NLGN4X: variants seen among roughly 807,000 people sequenced by gnomAD.
NLGN4X encodes the protein neuroligin 4 X-linked.
NLGN4X carries 3 observed loss-of-function variants against 40.3 expected under a neutral mutation model. The ratio of observed to expected loss-of-function variants is 0.07; its 90% CI spans 0.03 to 0.19. The LOEUF (loss-of-function observed/expected upper bound fraction) is 0.19. Ranked by LOEUF, NLGN4X falls within the 10% of genes least tolerant of loss-of-function variation. The pLI is 1.00. For synonymous variants in NLGN4X, 270 were observed against 306.8 expected (o/e 0.88, Z 1.25); for missense variants, 382 against 708.3 (o/e 0.54, Z 5.23).
intron 2 of NLGN4X, among the ~76,000 whole-genome samples, chrX:6,047,035 A>C (rs931981303): frequency 1.8e-5 from 2 of 109,588 alleles, no homozygotes; most frequent in African/African-American, 3.3e-5. Flanking sequence ...TAGGATATAT[A>C]CACATATATG....
intron 3 of NLGN4X, among the ~76,000 whole-genome samples, chrX:6,025,046 C>T: frequency 8.9e-6 from 1 of 111,756 alleles, no homozygotes; most frequent in Non-Finnish European, 1.9e-5. Context: ...GTAACATATA[C>T]ACCTTCCTAG....
intron 1 of NLGN4X, among the ~76,000 whole-genome samples, chrX:6,219,424 T>TCCTC (rs111544588): frequency 1.1e-5 from 1 of 95,119 alleles, no homozygotes; most frequent in African/African-American, 3.9e-5. Context: ...CCTCTCTCCT[T>TCCTC]CCTTTTTCTC....
intron 5 of NLGN4X, among the ~76,000 whole-genome samples, chrX:5,898,470 CCTAGA>C (rs1359305098): frequency 9.0e-6 from 1 of 110,728 alleles, no homozygotes; most frequent in African/African-American, 3.3e-5. Context: ...TGCCTTCAAA[CCTAGA>C]CTAAAGGTCA....
intron 2 of NLGN4X, among the ~76,000 whole-genome samples, chrX:6,121,336 G>A (rs1469808712): frequency 1.8e-5 from 2 of 111,644 alleles, no homozygotes; most frequent in African/African-American, 6.5e-5. Context: ...AAGCGTTCTA[G>A]GTTCAACTCA....
At chrX:6,221,297 C>T (rs2147905352) in intron 1 of NLGN4X, among the ~76,000 whole-genome samples, 1 of 101,089 alleles carries the variant, frequency 9.9e-6, no homozygotes, top group South Asian at 4.7e-4. Context: ...CTCTATTACC[C>T]AGGCCAGATG....
chrX:6,180,223 C>T, intron 1 of NLGN4X, among the ~76,000 whole-genome samples: 1 of 111,444 alleles, frequency 9.0e-6, no homozygotes. Flanking sequence ...AAAATGTGTC[C>T]CTATCCAAAT....
intron 1 of NLGN4X, among the ~76,000 whole-genome samples, chrX:6,188,624 CA>C (rs1417553381): frequency 9.0e-6 from 1 of 110,864 alleles, no homozygotes; most frequent in Non-Finnish European, 1.9e-5. Flanking sequence ...TTTGAAACCA[CA>C]AAATGTTTAA....
chrX:6,114,251 G>C (rs965755037), intron 2 of NLGN4X, among the ~76,000 whole-genome samples: 1 of 111,836 alleles, frequency 8.9e-6, no homozygotes, highest in African/African-American at 3.2e-5. Flanking sequence ...AAAAGCATGT[G>C]TGAAGGAAAA....
At chrX:6,203,983 T>C (rs112501905) in intron 1 of NLGN4X, among the ~76,000 whole-genome samples, 1,836 of 112,269 alleles carry the variant, frequency 0.016, 35 homozygotes, top group African/African-American at 0.054. Context: ...CCTTGTAGTA[T>C]AGGTACTTTC....
chrX:6,093,311 T>C (rs769068559), intron 2 of NLGN4X, among the ~76,000 whole-genome samples: 4 of 112,119 alleles, frequency 3.6e-5, no homozygotes, highest in Non-Finnish European at 7.5e-5. Flanking sequence ...ATAACAAATA[T>C]TCATGATACA....
At chrX:6,032,781 G>A in intron 2 of NLGN4X, 2 of 977,419 alleles carry the variant, frequency 2.0e-6, no homozygotes, top group Non-Finnish European at 2.8e-6. Context: ...AAAATAAAGG[G>A]AAAAAAGAGA....
intron 1 of NLGN4X, among the ~76,000 whole-genome samples, chrX:6,221,391 TTATATATA>T (rs60897428): frequency 0.12 from 6,176 of 53,237 alleles, 336 homozygotes; most frequent in Middle Eastern, 0.26. Context: ...CCTTCTTATA[TTATATATA>T]TATATATATA....
At chrX:6,097,701 C>T (rs2038813415) in intron 2 of NLGN4X, among the ~76,000 whole-genome samples, 2 of 111,822 alleles carry the variant, frequency 1.8e-5, no homozygotes, top group Admixed American at 1.9e-4. Flanking sequence ...CACAAATGGA[C>T]TCTCACCTAT....
intron 3 of NLGN4X, among the ~76,000 whole-genome samples, chrX:5,961,380 T>C (rs1267036603): frequency 8.9e-6 from 1 of 112,436 alleles, no homozygotes; most frequent in Non-Finnish European, 1.9e-5. Flanking sequence ...AGTTCTTATT[T>C]AAGTAAATTA....
chrX:6,019,576 C>T (rs1384262946), intron 3 of NLGN4X, among the ~76,000 whole-genome samples: 2 of 111,696 alleles, frequency 1.8e-5, no homozygotes, highest in East Asian at 5.6e-4. Context: ...TTCCAATGTA[C>T]TTGAATTTGG....
At chrX:5,922,197 T>C (rs376612943) in intron 3 of NLGN4X, among the ~76,000 whole-genome samples, 1 of 111,502 alleles carries the variant, frequency 9.0e-6, no homozygotes, top group East Asian at 2.8e-4. Context: ...CTTTGTTCCT[T>C]TTGCTTTGTG....
At chrX:6,147,085 C>T (rs2040065011) in intron 2 of NLGN4X, among the ~76,000 whole-genome samples, 2 of 112,197 alleles carry the variant, frequency 1.8e-5, no homozygotes, top group Admixed American at 1.9e-4. Flanking sequence ...AGCCACTGTG[C>T]CTGGGCGATA....
chrX:6,210,939 T>C (rs1486956611), intron 1 of NLGN4X, among the ~76,000 whole-genome samples: 1 of 112,305 alleles, frequency 8.9e-6, no homozygotes, highest in Non-Finnish European at 1.9e-5. Context: ...TGCAGCTGTG[T>C]AAAATAAAAT....
intron 1 of NLGN4X, among the ~76,000 whole-genome samples, chrX:6,202,460 C>G (rs1923707130): frequency 9.2e-6 from 1 of 108,180 alleles, no homozygotes; most frequent in African/African-American, 3.4e-5. Flanking sequence ...ACCTCAGCCT[C>G]CCGAGTAGGT....
Sources: allele counts gnomAD v4.1 joint callset (sites outside exome capture counted in the v4.1 genomes callset), GRCh38; gene constraint gnomAD v4.1.1; transcripts MANE v1.5; gene names NCBI Gene and HGNC (gene_info 2026-07-23, HGNC 2026-07-21).